Variants in BRINP3 observed in about 807,000 individuals in gnomAD.
The protein encoded by BRINP3 is BMP/retinoic acid-inducible neural-specific protein 3.
Under a neutral mutation model 71.0 loss-of-function variants are expected in BRINP3, and 19 were observed. That is an observed-to-expected ratio of 0.27 (90% CI 0.19 to 0.39). The LOEUF (loss-of-function observed/expected upper bound fraction) is 0.39. Among genes scored for constraint, BRINP3 ranks in the 10% least tolerant of loss-of-function variants. BRINP3 has a pLI of 1.00. For synonymous variants in BRINP3, 380 were observed against 337.7 expected (o/e 1.13, Z -1.37); for missense variants, 959 against 940.8 (o/e 1.02, Z -0.25).
chr1:190,269,481 C>T (rs573276752), intron 3 of BRINP3, among the ~76,000 whole-genome samples: 4 of 151,952 alleles, frequency 2.6e-5, no homozygotes, highest in Admixed American at 6.6e-5. Context: ...TGCATTGATA[C>T]GGAATATTTA....
At chr1:190,270,872 A>T (rs1017353324) in intron 3 of BRINP3, among the ~76,000 whole-genome samples, 1 of 151,780 alleles carries the variant, frequency 6.6e-6, no homozygotes, top group East Asian at 1.9e-4. Context: ...ATCAACCCTC[A>T]TGCATTCAAT....
At chr1:190,262,670 TGTCAAG>T (rs1255732557) in intron 4 of BRINP3, among the ~76,000 whole-genome samples, 1 of 152,164 alleles carries the variant, frequency 6.6e-6, no homozygotes, top group Non-Finnish European at 1.5e-5. Context: ...CCCGTGGCCC[TGTCAAG>T]GTGAGACTGT....
chr1:190,383,524 T>C (rs1054512655), intron 2 of BRINP3, among the ~76,000 whole-genome samples: 8 of 152,114 alleles, frequency 5.3e-5, no homozygotes, highest in African/African-American at 1.7e-4. Flanking sequence ...GATTCATTTC[T>C]GTTAGTGTAT....
chr1:190,274,609 T>C (rs1312213750), intron 3 of BRINP3, among the ~76,000 whole-genome samples: 1 of 151,670 alleles, frequency 6.6e-6, no homozygotes, highest in Non-Finnish European at 1.5e-5. Context: ...TTTTTGGCAA[T>C]GATAAGCCAT....
At chr1:190,333,674 A>G (rs997385123) in intron 2 of BRINP3, among the ~76,000 whole-genome samples, 39 of 151,948 alleles carry the variant, frequency 2.6e-4, no homozygotes, top group African/African-American at 8.9e-4. Flanking sequence ...TTTAAGTTGC[A>G]TCTTGCAAAT....
In BRINP3 at chr1:190,350,634, T is replaced by C. The variant is rs190836567; in HGVS notation, c.237-68884A>G. On this transcript the variant is annotated intron_variant, in intron 2 of 7. Transcript: ENST00000367462. ...TGAAATTGAGTTTATTTTTTAAACA[T>C]GGCTATGCCTAATCTAAATCTAAAT... is the stretch of plus-strand genomic sequence containing the variant. Among the ~76,000 whole-genome samples, 900 of 152,218 alleles carry C rather than the reference T, an allele frequency of 5.9e-3. 13 individuals carry two copies. Among genetic ancestry groups the C allele is most frequent in the African/African-American group, 0.02 (839 of 41,570 alleles).
At chr1:190,208,596 G>A (rs1479889852) in intron 6 of BRINP3, among the ~76,000 whole-genome samples, 1 of 152,030 alleles carries the variant, frequency 6.6e-6, no homozygotes, top group Non-Finnish European at 1.5e-5. Flanking sequence ...CCCGGTTCAA[G>A]CGTTTCTTGA....
intron 7 of BRINP3, among the ~76,000 whole-genome samples, chr1:190,120,245 A>G (rs1257378152): frequency 1.3e-5 from 2 of 152,118 alleles, no homozygotes; most frequent in African/African-American, 4.8e-5. Context: ...TCTCTGTTAC[A>G]ACCTTATCTC....
chr1:190,357,261 A>G (rs1415602444), intron 2 of BRINP3, among the ~76,000 whole-genome samples: 12 of 152,032 alleles, frequency 7.9e-5, no homozygotes. Flanking sequence ...GCCTTGAGTG[A>G]ACTGCCAAAC....
intron 2 of BRINP3, among the ~76,000 whole-genome samples, chr1:190,365,867 T>C (rs996527770): frequency 6.9e-6 from 1 of 145,222 alleles, no homozygotes; most frequent in Non-Finnish European, 1.5e-5. Flanking sequence ...ATATATCCTG[T>C]CAAAATTTGA....
chr1:190,342,398 G>T (rs1350374047), intron 2 of BRINP3: 1 of 149,310 alleles, frequency 6.7e-6, no homozygotes. Flanking sequence ...AAAAATGATG[G>T]GTTATAAAGA....
intron 6 of BRINP3, among the ~76,000 whole-genome samples, chr1:190,172,920 T>C (rs912224340): frequency 6.6e-6 from 1 of 152,166 alleles, no homozygotes; most frequent in African/African-American, 2.4e-5. Flanking sequence ...GCCAGATGCA[T>C]GCAACCTCTC....
At chr1:190,447,268 G>C (rs991747256) in intron 2 of BRINP3, among the ~76,000 whole-genome samples, 32 of 144,450 alleles carry the variant, frequency 2.2e-4, no homozygotes, top group Admixed American at 2.9e-4. Flanking sequence ...ATATAGACCA[G>C]ACTATTACCC....
At chr1:190,294,935 T>C (rs577388007) in intron 2 of BRINP3, among the ~76,000 whole-genome samples, 4 of 151,992 alleles carry the variant, frequency 2.6e-5, no homozygotes, top group African/African-American at 9.6e-5. Flanking sequence ...CCTGGGTTTC[T>C]AGGCAAAGTC....
intron 6 of BRINP3, among the ~76,000 whole-genome samples, chr1:190,179,245 C>T (rs968079849): frequency 7.2e-5 from 11 of 152,084 alleles, no homozygotes; most frequent in African/African-American, 2.7e-4. Context: ...ACATCTGCAC[C>T]TGTTCATTTT....
chr1:190,453,347 A>T (rs1180702876), intron 2 of BRINP3, among the ~76,000 whole-genome samples: 2 of 148,924 alleles, frequency 1.3e-5, no homozygotes, highest in Non-Finnish European at 3.0e-5. Flanking sequence ...CAGCCTCCCC[A>T]GTAGCTGGGA....
chr1:190,199,999 G>A (rs1654860340), intron 6 of BRINP3, among the ~76,000 whole-genome samples: 1 of 152,124 alleles, frequency 6.6e-6, no homozygotes, highest in South Asian at 2.1e-4. Context: ...GGTAATGACA[G>A]GAGCTGGCCT....
intron 2 of BRINP3, among the ~76,000 whole-genome samples, chr1:190,336,585 T>A (rs919519412): frequency 6.6e-6 from 1 of 151,948 alleles, no homozygotes. Flanking sequence ...AGGACAAATA[T>A]CACTATGTAT....
At chr1:190,139,150 A>G (rs1005012619) in intron 7 of BRINP3, among the ~76,000 whole-genome samples, 2 of 138,684 alleles carry the variant, frequency 1.4e-5, no homozygotes, top group Non-Finnish European at 3.0e-5. Flanking sequence ...CGCATCATAG[A>G]AAAAAAAAAA....
Sources: gnomAD v4.1 joint callset for allele counts (sites outside exome capture counted in the v4.1 genomes callset) on GRCh38, gnomAD v4.1.1 for gene constraint, MANE v1.5 for transcripts, NCBI Gene and HGNC (gene_info 2026-07-23, HGNC 2026-07-21) for gene names.